Variants in CHD1 observed in about 807,000 individuals in gnomAD.
The protein encoded by CHD1 is chromodomain helicase DNA binding protein 1.
Under a neutral mutation model 224.2 loss-of-function variants are expected in CHD1, and 36 were observed. The observed-to-expected ratio is 0.16, with a 90% CI of 0.12 to 0.21. CHD1 has a LOEUF of 0.21. Ranked by LOEUF, CHD1 falls within the 10% of genes least tolerant of loss-of-function variation. The pLI, the probability that CHD1 is intolerant of heterozygous loss-of-function variation, is 1.00. For missense variants in CHD1, 1,378 were observed against 1,994.8 expected (o/e 0.69, Z 5.89); for synonymous variants, 668 against 658.3 (o/e 1.01, Z -0.23).
chr5:98,869,961 T>G (rs1749211832), intron 29 of CHD1, 79 bp from the exon 30 acceptor site: 3 of 1,035,546 alleles, frequency 2.9e-6, no homozygotes, highest in Non-Finnish European at 4.3e-6. Flanking sequence ...ATCCAAGGGC[T>G]AGAACACATA....
At chr5:98,889,446 C>G (rs1580437905) in intron 15 of CHD1, among the ~76,000 whole-genome samples, 1 of 152,182 alleles carries the variant, frequency 6.6e-6, no homozygotes, top group Non-Finnish European at 1.5e-5. Flanking sequence ...TAGCTATACA[C>G]AGAACAGGCT....
chr5:98,858,630 A>T (rs1450388780), intron 34 of CHD1: 2 of 464,970 alleles, frequency 4.3e-6, no homozygotes, highest in Non-Finnish European at 7.6e-6. Flanking sequence ...CCTTTCTCAG[A>T]CTATACTTTT....
intron 2 of CHD1, among the ~76,000 whole-genome samples, chr5:98,911,175 ATAG>A (rs1752399871): frequency 7.2e-6 from 1 of 138,554 alleles, no homozygotes; most frequent in African/African-American, 2.7e-5. Context: ...ATATATATAT[ATAG>A]AGGCATGTCA....
rs767946794 is a variant in CHD1 at position 98,903,871 on chromosome 5, C to T, written c.293G>A (p.Arg98Lys). 1.2e-6 allele frequency: 2 copies of T among 1,611,838 alleles called. No individual in the cohort carries two copies. The highest frequency in any genetic ancestry group is 8.5e-7 in the Non-Finnish European group (1 of 1,178,760). ...TTGCTGCTTCTTGAGGATTGCAGAT[C>T]TCTGAACGGCCAGAATACTAGGACT... ...KSSPSILAVQ[R>K]SAILKKQQQQ... The change falls in exon 4 of 36, where the codon AGA becomes AAA. Residue 98 changes from arginine to lysine, a missense_variant. By Grantham distance (26) the Arg-to-Lys change is conservative. Coordinates refer to ENST00000614616, the MANE Select transcript of CHD1 (RefSeq NM_001270.4).
intron 31 of CHD1, among the ~76,000 whole-genome samples, chr5:98,867,544 A>C (rs1318577141): frequency 6.6e-6 from 1 of 151,350 alleles, no homozygotes. Flanking sequence ...CATAAATAAG[A>C]AGCACTATTA....
At chr5:98,902,708 C>CA (rs1751799182) in intron 5 of CHD1, among the ~76,000 whole-genome samples, 192 bp downstream of exon 5, 2 of 151,962 alleles carry the variant, frequency 1.3e-5, no homozygotes, top group African/African-American at 2.4e-5. Flanking sequence ...ATAATACCCT[C>CA]AGGTGGTCAC....
rs1413531144 is a variant in CHD1, at chr5:98,868,571, A to G, written c.4172T>C (p.Val1391Ala). 1 of 1,612,116 alleles carries G rather than the reference A, an allele frequency of 6.2e-7. No individual in the cohort carries two copies. Among genetic ancestry groups the G allele is most frequent in the East Asian group, 2.2e-5 (1 of 44,850 alleles). The change falls in exon 31 of 36, where the codon GTT becomes GCT. Residue 1391 changes from valine to alanine, a missense_variant. Transcript: ENST00000614616. ...TGGTTCACCACTTGCCGTGATATGA[A>G]CTGGAGCATCTGACACTGAAGATTT... is the stretch of plus-strand genomic sequence containing the variant. ...SKKSSVSDAP[V>A]HITASGEPVP...
At chr5:98,863,384 C>A in intron 32 of CHD1, 24 bp downstream of exon 32, 1 of 1,348,098 alleles carries the variant, frequency 7.4e-7, no homozygotes, top group Non-Finnish European at 9.9e-7. Context: ...AAATTTAACA[C>A]TTCCTGAAAA....
intron 2 of CHD1, among the ~76,000 whole-genome samples, chr5:98,925,890 T>A (rs561382826): frequency 6.6e-6 from 1 of 151,218 alleles, no homozygotes; most frequent in African/African-American, 2.4e-5. Flanking sequence ...TATTTTGTAA[T>A]TGAGTTCAAA....
intron 17 of CHD1, among the ~76,000 whole-genome samples, chr5:98,887,838 A>G (rs1750752052): frequency 6.6e-6 from 1 of 152,186 alleles, no homozygotes; most frequent in Admixed American, 6.5e-5. Context: ...TAAAGCAAGC[A>G]TAGAAGAAAA....
intron 14 of CHD1, among the ~76,000 whole-genome samples, chr5:98,892,930 A>C (rs1030127945): frequency 2.0e-5 from 3 of 152,216 alleles, no homozygotes; most frequent in African/African-American, 7.2e-5. Context: ...TTCTTGAATC[A>C]AGTGAATATG....
At chr5:98,915,313 G>C (rs1752667622) in intron 2 of CHD1, among the ~76,000 whole-genome samples, 1 of 152,108 alleles carries the variant, frequency 6.6e-6, no homozygotes, top group Admixed American at 6.5e-5. Flanking sequence ...AGACAAAACT[G>C]TATTATAAAC....
At chr5:98,913,659 GA>G in intron 2 of CHD1, among the ~76,000 whole-genome samples, 1 of 152,164 alleles carries the variant, frequency 6.6e-6, no homozygotes. Flanking sequence ...CTGGTTAGAT[GA>G]GCCTCAGGTT....
intron 35 of CHD1, 54 bp downstream of exon 35, chr5:98,858,123 CATG>C (rs1031143065): frequency 1.5e-4 from 206 of 1,365,488 alleles, no homozygotes; most frequent in Non-Finnish European, 2.0e-4. Flanking sequence ...ACAGGAACAT[CATG>C]ATAAGGAGAA....
intron 33 of CHD1, 30 bp from the exon 34 acceptor site, chr5:98,859,045 T>C: frequency 6.5e-7 from 1 of 1,527,776 alleles, no homozygotes; most frequent in Non-Finnish European, 8.8e-7. Context: ...GTTAAGAATC[T>C]TTAGGTGACT....
intron 2 of CHD1, among the ~76,000 whole-genome samples, chr5:98,907,041 C>T (rs923513360): frequency 1.3e-5 from 2 of 152,202 alleles, no homozygotes; most frequent in African/African-American, 4.8e-5. Flanking sequence ...GCCTGTAATT[C>T]TCATTAGTCA....
rs756405511 is a variant in CHD1 at position 98,869,931 on chromosome 5, A to T, written c.3979-49T>A. On this transcript the variant is annotated intron_variant, in intron 29 of 35. Transcript: ENST00000614616. The stretch of plus-strand genomic sequence containing the variant: ...AACCAATTCTACAGATTTCATTTTT[A>T]AAAACTTCATAAACATTAAATCCAA... 5 of 1,416,444 alleles carry T rather than the reference A, an allele frequency of 3.5e-6. No individual in the cohort carries two copies. The African/African-American group carries it at 4.3e-5, about 12-fold the overall frequency. The allele number at this position is 1,416,444 out of a possible 1,614,324, so 87.7% of individuals were successfully genotyped here.
rs114222489 is a variant in CHD1 at position 98,899,228 on chromosome 5, C to T, written c.1085+252G>A. 9.2e-3 allele frequency among the ~76,000 whole-genome samples: 1,399 copies of T among 152,182 alleles called. 16 individuals carry two copies. The highest frequency in any genetic ancestry group is 0.026 in the South Asian group (124 of 4,828). The stretch of plus-strand genomic sequence containing the variant: ...CAATTTTACATTTACAACGTAAATG[C>T]AGTGCAAATAGTTGTTACATGGTAT... On this transcript the variant is annotated intron_variant, in intron 8 of 35. Coordinates refer to ENST00000614616, the MANE Select transcript of CHD1 (RefSeq NM_001270.4).
chr5:98,897,207 A>T lies in CHD1; in HGVS notation c.1479T>A (p.Ala493=), dbSNP rs1162696478. 6.2e-7 allele frequency: 1 copy of T among 1,611,680 alleles called. No individual in the cohort carries two copies. Among genetic ancestry groups the T allele is most frequent in the Non-Finnish European group, 8.5e-7 (1 of 1,178,952 alleles). ...DYQLNGLNWL[A]HSWCKGNSCI... ...AATATACTTACTTGCACCAAGAATG[A>T]GCAAGCCAATTTAAACCATTCAGTT... Residue 493 remains alanine, a synonymous_variant, in exon 11 of 36, where the codon GCT becomes GCA. Coordinates refer to ENST00000614616, the MANE Select transcript of CHD1 (RefSeq NM_001270.4).
Sources: allele counts gnomAD v4.1 joint callset (sites outside exome capture counted in the v4.1 genomes callset), GRCh38; gene constraint gnomAD v4.1.1; transcripts MANE v1.5; gene names NCBI Gene and HGNC (gene_info 2026-07-23, HGNC 2026-07-21).